Variants in HSD17B12 observed in about 807,000 individuals in gnomAD.
HSD17B12 encodes hydroxysteroid 17-beta dehydrogenase 12.
HSD17B12 carries 32 observed loss-of-function variants against 39.3 expected under a neutral mutation model. The observed-to-expected ratio is 0.81, with a 90% CI of 0.61 to 1.09. The LOEUF (loss-of-function observed/expected upper bound fraction) is 1.09. Among genes scored for constraint, HSD17B12 ranks in the 50% least tolerant of loss-of-function variants. The pLI is 0.00. For synonymous variants in HSD17B12, 150 were observed against 146.7 expected, an observed-to-expected ratio of 1.02 and a Z score of -0.16; for missense variants, 342 against 382.9, an observed-to-expected ratio of 0.89 and a Z score of 0.89.
intron 3 of HSD17B12, among the ~76,000 whole-genome samples, chr11:43,756,703 G>T (rs922682448): frequency 2.0e-5 from 3 of 152,156 alleles, no homozygotes; most frequent in Admixed American, 2.0e-4. Context: ...CCGTCTACTC[G>T]ATACAGAAAC....
chr11:43,587,333 A>G, the HSD17B12 span, among the ~76,000 whole-genome samples: 21 of 151,948 alleles, frequency 1.4e-4, no homozygotes, highest in South Asian at 4.4e-3. Context: ...AAAACCAGGC[A>G]TTTTATATAC....
At chr11:43,782,907 C>A (rs1565087578) in intron 3 of HSD17B12, among the ~76,000 whole-genome samples, 2 of 152,268 alleles carry the variant, frequency 1.3e-5, no homozygotes, top group East Asian at 1.9e-4. Context: ...TGGGACAAAT[C>A]AAAATGATGT....
intron 1 of HSD17B12, among the ~76,000 whole-genome samples, chr11:43,745,157 A>C (rs1950402114): frequency 6.6e-6 from 1 of 152,238 alleles, no homozygotes; most frequent in African/African-American, 2.4e-5. Context: ...AATATACATG[A>C]GGCAGATTTC....
At chr11:43,828,774 A>G (rs1019263652) in intron 6 of HSD17B12, among the ~76,000 whole-genome samples, 1 of 152,242 alleles carries the variant, frequency 6.6e-6, no homozygotes, top group Non-Finnish European at 1.5e-5. Flanking sequence ...CCAAATATCA[A>G]GATACCAGCT....
At chr11:43,707,474 G>A (rs1042042152) in intron 1 of HSD17B12, among the ~76,000 whole-genome samples, 11 of 152,174 alleles carry the variant, frequency 7.2e-5, no homozygotes, top group African/African-American at 2.7e-4. Flanking sequence ...CATTCCTTGT[G>A]TATTTACAGC....
the HSD17B12 span, among the ~76,000 whole-genome samples, chr11:43,646,994 C>T: frequency 4.7e-4 from 71 of 152,262 alleles, no homozygotes; most frequent in African/African-American, 1.6e-3. Context: ...ACAGTTTCAA[C>T]GAAACTGTTT....
chr11:43,839,843 A>G (rs1284587329), intron 8 of HSD17B12, among the ~76,000 whole-genome samples, 156 bp from the exon 9 acceptor site: 1 of 152,164 alleles, frequency 6.6e-6, no homozygotes, highest in African/African-American at 2.4e-5. Context: ...TGAGGTTTTC[A>G]GGTGTTTTTC....
intron 3 of HSD17B12, among the ~76,000 whole-genome samples, chr11:43,774,513 A>G (rs1950680240): frequency 6.6e-6 from 1 of 152,170 alleles, no homozygotes; most frequent in African/African-American, 2.4e-5. Context: ...ACGCCTGGCC[A>G]AGACTTTGTA....
chr11:43,561,246 T>G, the HSD17B12 span, among the ~76,000 whole-genome samples: 5 of 152,240 alleles, frequency 3.3e-5, no homozygotes, highest in African/African-American at 1.2e-4. Context: ...AATTATTTAG[T>G]GCTGCTTCTT....
At chr11:43,817,741 A>T (rs1205686628) in intron 6 of HSD17B12, among the ~76,000 whole-genome samples, 1 of 151,802 alleles carries the variant, frequency 6.6e-6, no homozygotes, top group Non-Finnish European at 1.5e-5. Context: ...TTTGGTGACT[A>T]TGGCGTTATA....
At chr11:43,824,783 C>A (rs1441432265) in intron 6 of HSD17B12, among the ~76,000 whole-genome samples, 1 of 152,126 alleles carries the variant, frequency 6.6e-6, no homozygotes, top group South Asian at 2.1e-4. Flanking sequence ...ATCACTTGAG[C>A]CCAGGAGTTC....
At chr11:43,764,532 T>C (rs1037846250) in intron 3 of HSD17B12, among the ~76,000 whole-genome samples, 2 of 152,140 alleles carry the variant, frequency 1.3e-5, no homozygotes, top group Non-Finnish European at 2.9e-5. Context: ...TCTCCATCAA[T>C]TATTTTGAGA....
At chr11:43,732,861 C>T (rs375694442) in intron 1 of HSD17B12, among the ~76,000 whole-genome samples, 4 of 152,260 alleles carry the variant, frequency 2.6e-5, no homozygotes, top group African/African-American at 9.6e-5. Flanking sequence ...CAACCTCAGC[C>T]TCCTGGCTCA....
intron 1 of HSD17B12, chr11:43,734,203 C>T (rs1163693564): frequency 2.5e-6 from 4 of 1,570,006 alleles, no homozygotes; most frequent in Non-Finnish European, 2.6e-6. Context: ...GGCAGGTGAG[C>T]GACGACCTTA....
chr11:43,583,084 A>G, the HSD17B12 span, among the ~76,000 whole-genome samples: 1 of 152,136 alleles, frequency 6.6e-6, no homozygotes, highest in Non-Finnish European at 1.5e-5. Context: ...TTTGCTTCTT[A>G]CATACCCCTC....
At chr11:43,740,377 A>G (rs1950353226) in intron 1 of HSD17B12, among the ~76,000 whole-genome samples, 1 of 152,150 alleles carries the variant, frequency 6.6e-6, no homozygotes, top group African/African-American at 2.4e-5. Context: ...AATTTATTTT[A>G]TTGACCGTTT....
intron 4 of HSD17B12, among the ~76,000 whole-genome samples, chr11:43,809,030 A>T (rs1951044629): frequency 6.6e-6 from 1 of 152,198 alleles, no homozygotes; most frequent in South Asian, 2.1e-4. Context: ...AATCAGTATA[A>T]ATAGCAGCAG....
intron 1 of HSD17B12, among the ~76,000 whole-genome samples, chr11:43,747,948 G>A (rs556817564): frequency 4.6e-5 from 7 of 152,248 alleles, no homozygotes; most frequent in African/African-American, 9.6e-5. Context: ...AGTACCCTGC[G>A]GGTGGTGTTG....
intron 7 of HSD17B12, among the ~76,000 whole-genome samples, chr11:43,832,126 A>G (rs988349698): frequency 6.6e-6 from 1 of 152,156 alleles, no homozygotes. Context: ...CAAACTGCCT[A>G]TTGTTAGGTG....
Sources: allele counts gnomAD v4.1 joint callset (sites outside exome capture counted in the v4.1 genomes callset), GRCh38; gene constraint gnomAD v4.1.1; transcripts MANE v1.5; gene names NCBI Gene and HGNC (gene_info 2026-07-23, HGNC 2026-07-21).